The following TMEM178B variants were observed in gnomAD, a reference collection of about 807,000 sequenced individuals.
The protein encoded by TMEM178B is transmembrane protein 178B.
In TMEM178B, 5 loss-of-function variants were observed where a neutral mutation model predicts 31.0. That is an observed-to-expected ratio of 0.16 (90% CI 0.08 to 0.34). The LOEUF (loss-of-function observed/expected upper bound fraction) is 0.34, where lower values mean the gene tolerates loss of function less well. TMEM178B is among the 10% of genes least tolerant of loss of function. TMEM178B has a pLI of 1.00. For synonymous variants in TMEM178B, 164 were observed against 164.0 expected (o/e 1.00, Z 0.00); for missense variants, 275 against 400.3 (o/e 0.69, Z 2.67).
intron 2 of TMEM178B, among the ~76,000 whole-genome samples, chr7:141,230,334 T>C (rs567517267): frequency 6.6e-6 from 1 of 152,374 alleles, no homozygotes; most frequent in South Asian, 2.1e-4. Flanking sequence ...TACCAAATTT[T>C]ACCTACATTG....
chr7:141,298,425 G>T (rs979138104), intron 2 of TMEM178B, among the ~76,000 whole-genome samples: 9 of 152,128 alleles, frequency 5.9e-5, no homozygotes, highest in African/African-American at 2.2e-4. Flanking sequence ...ATTCCCTCTT[G>T]CCCTCTCCCT....
chr7:141,436,720 G>A (rs968208248), intron 2 of TMEM178B, among the ~76,000 whole-genome samples: 3 of 152,076 alleles, frequency 2.0e-5, no homozygotes, highest in Non-Finnish European at 4.4e-5. Flanking sequence ...GCAGGGGTGG[G>A]AGCTGGGGAG....
At chr7:141,510,360 C>G in the TMEM178B span, among the ~76,000 whole-genome samples, 1 of 152,000 alleles carries the variant, frequency 6.6e-6, no homozygotes, top group African/African-American at 2.4e-5. Context: ...GGAAACAGAG[C>G]AAGAACTAAA....
intron 1 of TMEM178B, among the ~76,000 whole-genome samples, chr7:141,127,520 G>C (rs982760283): frequency 6.6e-6 from 1 of 152,192 alleles, no homozygotes; most frequent in Non-Finnish European, 1.5e-5. Context: ...ACGTGAATAT[G>C]TAGGCAGAGA....
chr7:141,147,653 G>T (rs1404825662), intron 1 of TMEM178B, among the ~76,000 whole-genome samples: 2 of 152,134 alleles, frequency 1.3e-5, no homozygotes. Context: ...GAGAAGGAAA[G>T]GAAGTCCCTA....
downstream of TMEM178B, among the ~76,000 whole-genome samples, chr7:141,483,689 A>C (rs1802514119): frequency 6.6e-6 from 1 of 151,826 alleles, no homozygotes; most frequent in African/African-American, 2.4e-5. Context: ...CCTCCCATGC[A>C]CAATTAGTCC....
chr7:141,202,690 A>G (rs1332094749), intron 1 of TMEM178B, among the ~76,000 whole-genome samples: 2 of 152,186 alleles, frequency 1.3e-5, no homozygotes, highest in African/African-American at 4.8e-5. Flanking sequence ...AAATCCTTGG[A>G]CTCAGAACAT....
intron 2 of TMEM178B, among the ~76,000 whole-genome samples, chr7:141,396,147 G>T (rs1800633731): frequency 6.6e-6 from 1 of 152,104 alleles, no homozygotes; most frequent in Admixed American, 6.6e-5. Flanking sequence ...AACAGCTCAG[G>T]GTTGGGGGTG....
At chr7:141,286,524 G>A (rs1479405416) in intron 2 of TMEM178B, among the ~76,000 whole-genome samples, 2 of 152,166 alleles carry the variant, frequency 1.3e-5, no homozygotes, top group Non-Finnish European at 2.9e-5. Flanking sequence ...ACATGGCCTG[G>A]CTATCATATT....
chr7:141,290,958 C>T (rs578238905), intron 2 of TMEM178B, among the ~76,000 whole-genome samples: 1 of 152,194 alleles, frequency 6.6e-6, no homozygotes, highest in African/African-American at 2.4e-5. Flanking sequence ...CTGCCACCTA[C>T]CCATCGCTGG....
At chr7:141,322,141 A>G (rs888705797) in intron 2 of TMEM178B, among the ~76,000 whole-genome samples, 1 of 152,152 alleles carries the variant, frequency 6.6e-6, no homozygotes, top group Non-Finnish European at 1.5e-5. Flanking sequence ...AACTCAATAA[A>G]TGTAGCCTTT....
intron 3 of TMEM178B, among the ~76,000 whole-genome samples, chr7:141,466,761 G>C (rs1230328622): frequency 6.6e-6 from 1 of 152,144 alleles, no homozygotes; most frequent in African/African-American, 2.4e-5. Flanking sequence ...AACATCCCAA[G>C]GGTGGCTTGA....
intron 2 of TMEM178B, among the ~76,000 whole-genome samples, chr7:141,349,641 GC>G (rs1799678615): frequency 6.6e-6 from 1 of 152,178 alleles, no homozygotes; most frequent in Non-Finnish European, 1.5e-5. Flanking sequence ...ATGGCAGAAG[GC>G]AATCGTTTCA....
At chr7:141,134,969 G>C (rs1432334122) in intron 1 of TMEM178B, among the ~76,000 whole-genome samples, 1 of 152,164 alleles carries the variant, frequency 6.6e-6, no homozygotes, top group Non-Finnish European at 1.5e-5. Flanking sequence ...TGCTGTTCTT[G>C]TGATAGTGAA....
chr7:141,304,760 C>T (rs1798788194), intron 2 of TMEM178B, among the ~76,000 whole-genome samples: 1 of 152,214 alleles, frequency 6.6e-6, no homozygotes, highest in African/African-American at 2.4e-5. Flanking sequence ...CTCTGTGGCA[C>T]AATTCTCTAG....
At chr7:141,131,684 T>C (rs1052023182) in intron 1 of TMEM178B, among the ~76,000 whole-genome samples, 1 of 152,108 alleles carries the variant, frequency 6.6e-6, no homozygotes. Flanking sequence ...TCTCACAGTT[T>C]GTTTGTCTAC....
At chr7:141,285,325 G>GTA (rs1378599435) in intron 2 of TMEM178B, among the ~76,000 whole-genome samples, 1 of 149,704 alleles carries the variant, frequency 6.7e-6, no homozygotes, top group African/African-American at 2.5e-5. Context: ...TAATTTTTTT[G>GTA]TATTTTTTTT....
Position 141,476,556 on chromosome 7 carries a change from C to T in TMEM178B, c.*5770C>T, listed in dbSNP as rs1802368132. The T allele has an allele frequency of 6.6e-6, 1 of 152,028 alleles. No homozygotes were observed. The highest frequency in any genetic ancestry group is 1.5e-5 in the Non-Finnish European group (1 of 68,012). 9.4% of individuals were successfully genotyped at this position (152,028 alleles called of 1,614,324 possible). On this transcript the variant is annotated 3_prime_UTR_variant, in exon 4 of 4. Coordinates refer to ENST00000565468, the MANE Select transcript of TMEM178B (RefSeq NM_001195278.2). ...TGATCTTTCAAGTTTAGGATGAGAC[C>T]AAGTCTCAAGGAGCTGGGATCTTCT...
intron 1 of TMEM178B, among the ~76,000 whole-genome samples, chr7:141,178,827 T>A (rs915282628): frequency 6.6e-6 from 1 of 152,208 alleles, no homozygotes; most frequent in African/African-American, 2.4e-5. Context: ...TGGTTATAAT[T>A]TTCCGTGGCC....
Sources: allele counts gnomAD v4.1 joint callset (sites outside exome capture counted in the v4.1 genomes callset), GRCh38; gene constraint gnomAD v4.1.1; transcripts MANE v1.5; gene names NCBI Gene and HGNC (gene_info 2026-07-23, HGNC 2026-07-21).